The following FHIT variants were observed in gnomAD, a reference collection of about 807,000 sequenced individuals.
FHIT encodes bis(5'-adenosyl)-triphosphatase.
FHIT carries 19 observed loss-of-function variants against 17.9 expected under a neutral mutation model. That is an observed-to-expected ratio of 1.06 (90% CI 0.74 to 1.56). FHIT has a LOEUF of 1.56. FHIT is among the 40% of genes most tolerant of loss of function. FHIT has a pLI of 0.00. For synonymous variants in FHIT, 81 were observed against 69.7 expected (o/e 1.16, Z -0.81); for missense variants, 248 against 189.2 (o/e 1.31, Z -1.82).
At chr3:60,946,704 T>C (rs61439091) in intron 3 of FHIT, among the ~76,000 whole-genome samples, 15,320 of 152,094 alleles carry the variant, frequency 0.1, 1,044 homozygotes, top group East Asian at 0.23. Context: ...AAAGGAACTG[T>C]CTAGAAGTGA....
chr3:60,653,395 T>C (rs1392145130), intron 4 of FHIT, among the ~76,000 whole-genome samples: 2 of 151,408 alleles, frequency 1.3e-5, no homozygotes, highest in Admixed American at 6.6e-5. Flanking sequence ...TTGGAAAAAA[T>C]CTCCTAGACT....
intron 5 of FHIT, among the ~76,000 whole-genome samples, chr3:60,472,374 T>TC (rs2033132406): frequency 2.0e-5 from 3 of 151,294 alleles, no homozygotes; most frequent in African/African-American, 7.3e-5. Context: ...GCTGTATTTT[T>TC]TTTTTTTTTT....
intron 5 of FHIT, among the ~76,000 whole-genome samples, chr3:60,404,965 T>C (rs1209681542): frequency 6.6e-6 from 1 of 152,168 alleles, no homozygotes; most frequent in African/African-American, 2.4e-5. Flanking sequence ...GCAGAAATCC[T>C]ATAATATATT....
chr3:59,894,900 C>A (rs775152206), intron 8 of FHIT, among the ~76,000 whole-genome samples: 48 of 152,332 alleles, frequency 3.2e-4, no homozygotes, highest in Middle Eastern at 6.8e-3. Flanking sequence ...TTTGGCTCTA[C>A]CACTAACAGG....
chr3:59,978,796 A>T (rs1708524444), intron 7 of FHIT, among the ~76,000 whole-genome samples: 1 of 151,676 alleles, frequency 6.6e-6, no homozygotes, highest in South Asian at 2.1e-4. Flanking sequence ...TCGATCTAAG[A>T]AATGGGATCT....
intron 4 of FHIT, among the ~76,000 whole-genome samples, chr3:60,695,438 T>C (rs1553700437): frequency 6.6e-6 from 1 of 152,186 alleles, no homozygotes; most frequent in Non-Finnish European, 1.5e-5. Context: ...TTTTCATTTG[T>C]ATGAGAACTT....
At chr3:60,264,059 A>G (rs1706444569) in intron 5 of FHIT, among the ~76,000 whole-genome samples, 1 of 151,804 alleles carries the variant, frequency 6.6e-6, no homozygotes, top group Non-Finnish European at 1.5e-5. Flanking sequence ...TACCATCAAC[A>G]AAGTATGTGG....
intron 3 of FHIT, among the ~76,000 whole-genome samples, chr3:60,907,833 G>C (rs1255999162): frequency 6.6e-6 from 1 of 152,062 alleles, no homozygotes; most frequent in Admixed American, 6.6e-5. Flanking sequence ...TATTTAGAGA[G>C]GTTTGCAATA....
chr3:60,352,708 T>C (rs1699466406), intron 5 of FHIT, among the ~76,000 whole-genome samples: 1 of 152,128 alleles, frequency 6.6e-6, no homozygotes, highest in Non-Finnish European at 1.5e-5. Context: ...AGGAAGGGTC[T>C]TGCTATGTTG....
intron 8 of FHIT, among the ~76,000 whole-genome samples, chr3:59,897,767 T>G (rs1287174925): frequency 6.9e-6 from 1 of 145,744 alleles, no homozygotes; most frequent in Non-Finnish European, 1.5e-5. Context: ...TGAAACTTTT[T>G]TTTTCTTTTT....
At chr3:60,894,315 C>T (rs1337394420) in intron 3 of FHIT, among the ~76,000 whole-genome samples, 1 of 152,216 alleles carries the variant, frequency 6.6e-6, no homozygotes. Context: ...CTGTGCCAGA[C>T]AAAACTATGC....
intron 4 of FHIT, among the ~76,000 whole-genome samples, chr3:60,772,927 C>A (rs544474886): frequency 6.6e-6 from 1 of 152,160 alleles, no homozygotes; most frequent in East Asian, 1.9e-4. Context: ...TCCAACCCAG[C>A]CAATCGGCAG....
chr3:60,199,141 G>C (rs1454254134), intron 5 of FHIT, among the ~76,000 whole-genome samples: 1 of 152,074 alleles, frequency 6.6e-6, no homozygotes, highest in Non-Finnish European at 1.5e-5. Flanking sequence ...AGGAAAGCCA[G>C]GTACTAAAAA....
chr3:60,183,500 A>G (rs1702031957), intron 5 of FHIT, among the ~76,000 whole-genome samples: 1 of 152,204 alleles, frequency 6.6e-6, no homozygotes, highest in South Asian at 2.1e-4. Context: ...ACCGTGACTA[A>G]CAAGTTTGAC....
At chr3:61,135,478 G>A (rs2036888243) in intron 2 of FHIT, among the ~76,000 whole-genome samples, 1 of 152,126 alleles carries the variant, frequency 6.6e-6, no homozygotes, top group African/African-American at 2.4e-5. Context: ...ATAAAGGAAG[G>A]AACTGAGGCT....
intron 1 of FHIT, among the ~76,000 whole-genome samples, chr3:61,202,046 A>G (rs1451732139): frequency 6.6e-6 from 1 of 150,426 alleles, no homozygotes; most frequent in Non-Finnish European, 1.5e-5. Flanking sequence ...ATATACCTAC[A>G]TATATATACA....
chr3:61,205,846 T>C (rs1278524191), intron 1 of FHIT, among the ~76,000 whole-genome samples: 1 of 150,760 alleles, frequency 6.6e-6, no homozygotes, highest in Admixed American at 6.6e-5. Flanking sequence ...GTCAATTTTG[T>C]CTTTTAATGC....
chr3:59,829,961 A>C (rs991760124), intron 8 of FHIT, among the ~76,000 whole-genome samples: 28 of 152,078 alleles, frequency 1.8e-4, no homozygotes, highest in Non-Finnish European at 8.8e-5. Context: ...CTATAGTCCC[A>C]GTTACTTGGG....
At chr3:60,107,065 T>G (rs1315478243) in intron 5 of FHIT, among the ~76,000 whole-genome samples, 1 of 151,988 alleles carries the variant, frequency 6.6e-6, no homozygotes, top group Non-Finnish European at 1.5e-5. Context: ...GAATTTTACA[T>G]GCATTTGACA....
Sources: allele counts gnomAD v4.1 joint callset (sites outside exome capture counted in the v4.1 genomes callset), GRCh38; gene constraint gnomAD v4.1.1; transcripts MANE v1.5; gene names NCBI Gene and HGNC (gene_info 2026-07-23, HGNC 2026-07-21).